Variants in HERC5 observed in about 807,000 individuals in gnomAD.
HERC5 encodes HECT and RLD domain containing E3 ubiquitin protein ligase 5, also known as E3 ISG15--protein ligase HERC5.
In HERC5, 99 loss-of-function variants were observed where a neutral mutation model predicts 119.6. That is an observed-to-expected ratio of 0.83 (90% CI 0.70 to 0.98). The LOEUF (loss-of-function observed/expected upper bound fraction) is 0.98. Among genes scored for constraint, HERC5 ranks in the 50% least tolerant of loss-of-function variants. The pLI is 0.00. For synonymous variants in HERC5, 478 were observed against 445.9 expected (o/e 1.07, Z -0.91); for missense variants, 1,267 against 1,241.3 (o/e 1.02, Z -0.31).
chr4:88,486,374 G>C (rs1741466549), intron 14 of HERC5, 146 bp downstream of exon 14: 1 of 549,186 alleles, frequency 1.8e-6, no homozygotes, highest in African/African-American at 1.9e-5. Context: ...TTTGCAGTCA[G>C]AGTTCCAGCA....
At chr4:88,463,479 G>A (rs1740522191) in intron 4 of HERC5, 53 bp from the exon 5 acceptor site, 1 of 1,239,544 alleles carries the variant, frequency 8.1e-7, no homozygotes, top group Admixed American at 1.7e-5. Context: ...TAACTCCACT[G>A]TGAAACTCAG....
intron 19 of HERC5, 111 bp from the exon 20 acceptor site, chr4:88,500,804 T>G: frequency 1.2e-6 from 1 of 801,174 alleles, no homozygotes; most frequent in Non-Finnish European, 2.0e-6. Context: ...ATGACAAAAA[T>G]GTACATTTTA....
Position 88,506,107 on chromosome 4 carries a change from A to G in HERC5, c.*229A>G, listed in dbSNP as rs1742097502. 1 of 472,582 alleles carries G rather than the reference A, an allele frequency of 2.1e-6. No homozygotes were observed. The highest frequency in any genetic ancestry group is 3.9e-5 in the Admixed American group (1 of 25,960). 29.3% of individuals were successfully genotyped at this position (472,582 alleles called of 1,614,324 possible). A position where few individuals can be genotyped will look rare whatever the true frequency, so the allele number is the denominator to read the frequency against. ...CCTTGGATACCCCTATGCCTACATC[A>G]TATTCCTTACCTCTTTTGGGAAATA... On this transcript the variant is annotated 3_prime_UTR_variant, in exon 23 of 23. Coordinates refer to ENST00000264350, the MANE Select transcript of HERC5 (RefSeq NM_016323.4).
At chr4:88,462,673 C>T (rs868461732) in intron 4 of HERC5, among the ~76,000 whole-genome samples, 1 of 152,170 alleles carries the variant, frequency 6.6e-6, no homozygotes, top group Admixed American at 6.5e-5. Flanking sequence ...TTTCTCTAGA[C>T]CTCATTTTCT....
At chr4:88,499,151 C>T (rs901309787) in intron 18 of HERC5, among the ~76,000 whole-genome samples, 2 of 152,180 alleles carry the variant, frequency 1.3e-5, no homozygotes, top group African/African-American at 4.8e-5. Context: ...TCTCTGGCTG[C>T]ACATACCTCA....
In HERC5 at chr4:88,469,185, T is replaced by A; in HGVS notation, c.1163T>A (p.Ile388Asn). ...ENSYVNLKRTIPTLNEGTVKR... is the reference protein window; with the variant it reads ...ENSYVNLKRTNPTLNEGTVKR... ...TCATATGTTAATCTGAAGAGGACAATTCCTACTCTGAATGAAGGGACTGTA... is the reference window on the plus strand; with the variant it reads ...TCATATGTTAATCTGAAGAGGACAAATCCTACTCTGAATGAAGGGACTGTA... The change falls in exon 9 of 23, where the codon ATT becomes AAT. Residue 388 changes from isoleucine (I) to asparagine (N), a missense_variant. Physicochemically the swap from Ile to Asn is moderately radical, Grantham distance 149. Coordinates refer to ENST00000264350, the MANE Select transcript of HERC5 (RefSeq NM_016323.4). The A allele has an allele frequency of 6.2e-7, 1 of 1,611,960 alleles. No homozygotes were observed. Among genetic ancestry groups the A allele is most frequent in the Non-Finnish European group, 8.5e-7 (1 of 1,178,162 alleles).
At chr4:88,480,997 A>C (rs1254282015) in intron 13 of HERC5, among the ~76,000 whole-genome samples, 1 of 152,090 alleles carries the variant, frequency 6.6e-6, no homozygotes, top group South Asian at 2.1e-4. Flanking sequence ...TTGTAGATAA[A>C]TTTGTCAATC....
At chr4:88,484,008 C>A (rs184169009) in intron 13 of HERC5, among the ~76,000 whole-genome samples, 49 of 151,984 alleles carry the variant, frequency 3.2e-4, no homozygotes, top group African/African-American at 1.1e-3. Flanking sequence ...TCATATTTTC[C>A]GTCTCATTGT....
chr4:88,503,997 G>A (rs1301090848), intron 20 of HERC5, among the ~76,000 whole-genome samples: 2 of 151,862 alleles, frequency 1.3e-5, no homozygotes, highest in Non-Finnish European at 2.9e-5. Flanking sequence ...AACCCAGGAG[G>A]TGGAGGTTGC....
rs753414690 is a variant in HERC5 at position 88,466,940 on chromosome 4, T to C, written c.912-119T>C. ...TGGTTTCCAGATGATTTTCATCCTC[T>C]AAGAGATGTTTAGTTTCACTCTCAC... On this transcript the variant is annotated intron_variant, in intron 6 of 22. Coordinates refer to ENST00000264350, the MANE Select transcript of HERC5 (RefSeq NM_016323.4). 2.1e-5 allele frequency: 21 copies of C among 1,000,240 alleles called. No individual in the cohort carries two copies. In the Admixed American group the frequency reaches 3.3e-4, roughly 15 times the overall value. The allele number at this position is 1,000,240 out of a possible 1,614,324, so 62.0% of individuals were successfully genotyped here.
chr4:88,475,767 GT>G, intron 11 of HERC5, 73 bp from the exon 12 acceptor site: 1 of 1,236,822 alleles, frequency 8.1e-7, no homozygotes, highest in Non-Finnish European at 1.2e-6. Flanking sequence ...TCTACACCTT[GT>G]TTTATTACCA....
intron 8 of HERC5, 74 bp downstream of exon 8, chr4:88,468,496 G>A: frequency 1.0e-6 from 1 of 976,690 alleles, no homozygotes; most frequent in South Asian, 1.5e-5. Context: ...TCCCAGTTTG[G>A]TGAATTCCAA....
chr4:88,460,789 G>A (rs1029376035), intron 3 of HERC5, among the ~76,000 whole-genome samples: 1 of 152,144 alleles, frequency 6.6e-6, no homozygotes, highest in African/African-American at 2.4e-5. Flanking sequence ...AGGAGTTTGA[G>A]ACCAGCCTGG....
chr4:88,464,005 TAAGAA>T lies in HERC5; in HGVS notation c.911+21_911+25del. 1 of 1,601,622 alleles carries T rather than the reference TAAGAA, an allele frequency of 6.2e-7. No individual in the cohort carries two copies. Among genetic ancestry groups the T allele is most frequent in the South Asian group, 1.1e-5 (1 of 88,040 alleles). On this transcript the variant is annotated intron_variant, in intron 6 of 22. Coordinates refer to ENST00000264350, the MANE Select transcript of HERC5 (RefSeq NM_016323.4). ...TGGAAGGTAAGTTGTAAAGTATCAA[TAAGAA>T]TTGATAAAATGAGTGCAGCAAACTA...
intron 16 of HERC5, among the ~76,000 whole-genome samples, chr4:88,491,659 GGA>G (rs2149104162): frequency 6.6e-6 from 1 of 152,270 alleles, no homozygotes; most frequent in Non-Finnish European, 1.5e-5. Flanking sequence ...TGTTCTTCTT[GGA>G]GAGACCCATT....
chr4:88,462,020 AG>A (rs1204035692), intron 3 of HERC5, 114 bp from the exon 4 acceptor site: 1 of 820,670 alleles, frequency 1.2e-6, no homozygotes, highest in African/African-American at 1.7e-5. Context: ...GAGTACCATC[AG>A]TGCAAAGGTA....
At chr4:88,479,530 CT>C in intron 13 of HERC5, 23 bp downstream of exon 13, 1 of 1,523,970 alleles carries the variant, frequency 6.6e-7, no homozygotes, top group South Asian at 1.3e-5. Context: ...TTAGAAACCT[CT>C]GTGTTTTTAT....
In HERC5 at chr4:88,475,985, G is replaced by A. The variant is rs1741053639; in HGVS notation, c.1537G>A (p.Ala513Thr). The change falls in exon 12 of 23, where the codon GCA becomes ACA. Residue 513 changes from alanine (A) to threonine (T), a missense_variant. By Grantham distance (58) the Ala-to-Thr change is moderately conservative (BLOSUM62 0). This residue lies in a region of HERC5 where 777 missense variants were observed against 758.0 expected (regional missense o/e 1.03). Transcript: ENST00000264350. ...CTGGGAGAGCCTTGTGGTTCCATTT[G>A]CAAAGGTTGTTTGTAAAATGAGTGA... ...NNWESLVVPF[A>T]KVVCKMSDQS... The A allele has an allele frequency of 6.2e-7, 1 of 1,613,924 alleles. No individual in the cohort carries two copies. Among genetic ancestry groups the A allele is most frequent in the Non-Finnish European group, 8.5e-7 (1 of 1,179,980 alleles).
At chr4:88,501,285 C>A (rs1046266535) in intron 20 of HERC5, among the ~76,000 whole-genome samples, 72 of 152,286 alleles carry the variant, frequency 4.7e-4, no homozygotes, top group Non-Finnish European at 9.0e-4. Flanking sequence ...TCACACATTA[C>A]CTACCTTTAG....
Sources: gnomAD v4.1 joint callset for allele counts (sites outside exome capture counted in the v4.1 genomes callset) on GRCh38, gnomAD v4.1.1 for gene constraint, gnomAD v4.1.1 regional missense constraint, MANE v1.5 for transcripts, NCBI Gene and HGNC (gene_info 2026-07-23, HGNC 2026-07-21) for gene names.